NLK: variants seen among roughly 807,000 people sequenced by gnomAD.
NLK encodes the protein serine/threonine-protein kinase NLK.
In NLK, 11 loss-of-function variants were observed where a neutral mutation model predicts 59.0. That is an observed-to-expected ratio of 0.19 (90% CI 0.12 to 0.31). NLK has a LOEUF of 0.31. Among genes scored for constraint, NLK ranks in the 10% least tolerant of loss-of-function variants. The pLI, the probability that NLK is intolerant of heterozygous loss-of-function variation, is 1.00. For missense variants in NLK, 410 were observed against 661.1 expected (o/e 0.62, Z 4.16); for synonymous variants, 235 against 235.9 (o/e 1.00, Z 0.03).
intron 7 of NLK, among the ~76,000 whole-genome samples, chr17:28,174,080 G>A (rs1425060200): frequency 6.6e-6 from 1 of 152,160 alleles, no homozygotes; most frequent in Admixed American, 6.5e-5. Flanking sequence ...AGAACGGCTG[G>A]AAAATGTAAC....
intron 1 of NLK, among the ~76,000 whole-genome samples, chr17:28,046,705 T>C (rs1437064033): frequency 6.6e-6 from 1 of 152,136 alleles, no homozygotes; most frequent in African/African-American, 2.4e-5. Flanking sequence ...GCTCATAATT[T>C]TGAGAGATGG....
chr17:28,172,696 G>A, intron 7 of NLK, 78 bp downstream of exon 7: 1 of 709,544 alleles, frequency 1.4e-6, no homozygotes, highest in East Asian at 3.5e-5. Context: ...AATCTATTAA[G>A]GATTTTTAAG....
At chr17:28,147,865 T>A (rs1907323235) in intron 3 of NLK, among the ~76,000 whole-genome samples, 1 of 152,228 alleles carries the variant, frequency 6.6e-6, no homozygotes. Context: ...CTGCTGACAC[T>A]GGTTGCATTA....
chr17:28,111,506 C>T (rs189614488), intron 1 of NLK, among the ~76,000 whole-genome samples: 79 of 152,062 alleles, frequency 5.2e-4, no homozygotes, highest in African/African-American at 1.8e-3. Flanking sequence ...CTTTTTTCCC[C>T]GAGTATGGGC....
chr17:28,157,459 G>T (rs761749150), intron 3 of NLK, among the ~76,000 whole-genome samples: 1 of 151,952 alleles, frequency 6.6e-6, no homozygotes, highest in Non-Finnish European at 1.5e-5. Context: ...CCAAAGTGTT[G>T]GGATTACAGA....
At chr17:28,139,725 A>C (rs1156623844) in intron 3 of NLK, among the ~76,000 whole-genome samples, 1 of 152,242 alleles carries the variant, frequency 6.6e-6, no homozygotes, top group Non-Finnish European at 1.5e-5. Flanking sequence ...TCAGAGAGGT[A>C]AATAACTTGT....
intron 7 of NLK, among the ~76,000 whole-genome samples, chr17:28,179,449 G>A (rs969773751): frequency 5.3e-5 from 8 of 151,804 alleles, no homozygotes; most frequent in African/African-American, 1.9e-4. Context: ...AGGGTCTCCC[G>A]GCTGGGAATG....
At chr17:28,173,761 C>G (rs1416451967) in intron 7 of NLK, among the ~76,000 whole-genome samples, 1 of 152,158 alleles carries the variant, frequency 6.6e-6, no homozygotes, top group East Asian at 1.9e-4. Flanking sequence ...CTATTATGTT[C>G]CATTTATTGG....
rs1402850639 is a variant in NLK, at chr17:28,187,785, TAAATG to T, written c.1236+2525_1236+2529del. Among the ~76,000 whole-genome samples, 9 of 152,222 alleles carry T rather than the reference TAAATG, an allele frequency of 5.9e-5. No individual in the cohort carries two copies. In the South Asian group the frequency reaches 8.3e-4, roughly 14 times the overall value. On this transcript the variant is annotated intron_variant, in intron 8 of 10. Transcript: ENST00000407008. ...TAACAGTGGGATTATCACACTTAAT[TAAATG>T]AAATTTGTGGTGTAGTTGTAGTTAT...
chr17:28,178,752 A>T (rs1407124856), intron 7 of NLK, among the ~76,000 whole-genome samples: 1 of 152,242 alleles, frequency 6.6e-6, no homozygotes, highest in Non-Finnish European at 1.5e-5. Context: ...CTTATTTTAT[A>T]GGTGGGGATT....
chr17:28,161,434 C>T (rs188837370), intron 4 of NLK, among the ~76,000 whole-genome samples, 168 bp downstream of exon 4: 1 of 152,130 alleles, frequency 6.6e-6, no homozygotes, highest in Admixed American at 6.6e-5. Flanking sequence ...AAAGAGGAAG[C>T]TTTTTAGGGT....
rs1244936873 is a variant in NLK, at chr17:28,043,441, C to T, written c.458+110C>T. ...ATGTTGACCAAGGTGCAGCAAGCTTCTCAACCCAACTGTAGGAAGCCACCC... is the reference window on the plus strand; with the variant it reads ...ATGTTGACCAAGGTGCAGCAAGCTTTTCAACCCAACTGTAGGAAGCCACCC... On this transcript the variant is annotated intron_variant, in intron 1 of 10. Transcript: ENST00000407008. The T allele has an allele frequency of 1.3e-5, 13 of 969,554 alleles. No individual in the cohort carries two copies. In the East Asian group the frequency reaches 3.0e-4, roughly 22 times the overall value. The allele number at this position is 969,554 out of a possible 1,614,324, so 60.1% of individuals were successfully genotyped here.
At chr17:28,131,586 TA>T (rs35804817) in intron 2 of NLK, among the ~76,000 whole-genome samples, 2,605 of 83,594 alleles carry the variant, frequency 0.031, 58 homozygotes, top group African/African-American at 0.079. Context: ...TTCTCTGTAG[TA>T]AAAAAAAAAA....
chr17:28,125,309 G>C (rs1236751415), intron 2 of NLK, among the ~76,000 whole-genome samples: 1 of 152,178 alleles, frequency 6.6e-6, no homozygotes. Context: ...CAGTTTCTAA[G>C]AGCTGTGCTT....
intron 7 of NLK, among the ~76,000 whole-genome samples, chr17:28,174,055 G>A (rs1371753898): frequency 6.6e-6 from 1 of 152,194 alleles, no homozygotes; most frequent in Non-Finnish European, 1.5e-5. Flanking sequence ...GGAGTTTCCT[G>A]TCTGCTGTCT....
Position 28,043,103 on chromosome 17 carries a change from C to G in NLK, c.230C>G (p.Ala77Gly), listed in dbSNP as rs750570222. The G allele has an allele frequency of 1.4e-5, 22 of 1,585,600 alleles. No individual in the cohort carries two copies. Among genetic ancestry groups the G allele is most frequent in the Admixed American group, 1.1e-4 (6 of 53,548 alleles). ...HTSSAAAAAAAAAAAAAMLNP... is the reference protein window; with the variant it reads ...HTSSAAAAAAGAAAAAAMLNP... ...TCTTCGGCAGCTGCGGCAGCCGCAG[C>G]AGCGGCTGCAGCTGCAGCCATGTTA... The change falls in exon 1 of 11, where the codon GCA (alanine) becomes GGA (glycine). Residue 77 changes from alanine (A) to glycine (G), a missense_variant. Ala to Gly is a moderately conservative substitution (Grantham distance 60, BLOSUM62 0). Transcript: ENST00000407008.
At chr17:28,050,608 AT>A (rs901981195) in intron 1 of NLK, among the ~76,000 whole-genome samples, 50 of 148,640 alleles carry the variant, frequency 3.4e-4, no homozygotes, top group East Asian at 2.2e-3. Flanking sequence ...GTCAGATTTA[AT>A]TTTTTTTTTT....
At position 28,194,673 on chromosome 17, in the gene NLK, G is replaced by A. The variant is rs1909422990; in HGVS notation, c.*37G>A. ...AATGTACTACTGAAGATGTAATGTA[G>A]CTTTCCACTGGAGTCTGGGATTTGC... On this transcript the variant is annotated 3_prime_UTR_variant, in exon 11 of 11. Transcript: ENST00000407008. The A allele has an allele frequency of 6.8e-7, 1 of 1,470,758 alleles. No individual in the cohort carries two copies. The highest frequency in any genetic ancestry group is 2.3e-5 in the East Asian group (1 of 43,322). The allele number at this position is 1,470,758 out of a possible 1,614,324, so 91.1% of individuals were successfully genotyped here. A position where few individuals can be genotyped will look rare whatever the true frequency, so the allele number is the denominator to read the frequency against.
intron 3 of NLK, among the ~76,000 whole-genome samples, chr17:28,135,599 C>T (rs537260689): frequency 4.6e-5 from 7 of 152,312 alleles, no homozygotes; most frequent in East Asian, 1.9e-4. Flanking sequence ...TGAAGACTTT[C>T]GGAATGTGCA....
Sources: allele counts gnomAD v4.1 joint callset (sites outside exome capture counted in the v4.1 genomes callset), GRCh38; gene constraint gnomAD v4.1.1; transcripts MANE v1.5; gene names NCBI Gene and HGNC (gene_info 2026-07-23, HGNC 2026-07-21).